Variants in DYRK1A observed in about 807,000 individuals in gnomAD.
The protein encoded by DYRK1A is dual specificity tyrosine phosphorylation regulated kinase 1A.
DYRK1A carries 9 observed loss-of-function variants against 79.7 expected under a neutral mutation model. The observed-to-expected ratio is 0.11, with a 90% CI of 0.07 to 0.20. The LOEUF is 0.20. Among genes scored for constraint, DYRK1A ranks in the 10% least tolerant of loss-of-function variants. The pLI is 1.00. For missense variants in DYRK1A, 622 were observed against 956.0 expected (o/e 0.65, Z 4.61); for synonymous variants, 349 against 329.7 (o/e 1.06, Z -0.63).
intron 1 of DYRK1A, among the ~76,000 whole-genome samples, chr21:37,401,028 C>T (rs1321355057): frequency 2.0e-5 from 3 of 152,004 alleles, no homozygotes; most frequent in African/African-American, 7.3e-5. Flanking sequence ...CTTGTAGTCC[C>T]AGCTACTTGG....
At chr21:37,440,954 T>C (rs11702096) in intron 2 of DYRK1A, among the ~76,000 whole-genome samples, 11,469 of 152,252 alleles carry the variant, frequency 0.075, 646 homozygotes, top group Non-Finnish European at 0.11. Context: ...TATATCTTTA[T>C]TGATTTTCTC....
chr21:37,505,989 A>ATG (rs966630892), intron 10 of DYRK1A, 110 bp from the exon 11 acceptor site: 12 of 1,256,344 alleles, frequency 9.6e-6, no homozygotes, highest in East Asian at 5.1e-5. Context: ...GAGATTTTGT[A>ATG]TGTGTGTGTG....
At chr21:37,392,464 T>C (rs897726982) in intron 1 of DYRK1A, among the ~76,000 whole-genome samples, 1 of 152,258 alleles carries the variant, frequency 6.6e-6, no homozygotes, top group African/African-American at 2.4e-5. Context: ...CTGAATAATT[T>C]ATAAAAAATA....
At chr21:37,478,930 A>G (rs1389291032) in intron 4 of DYRK1A, among the ~76,000 whole-genome samples, 1 of 152,202 alleles carries the variant, frequency 6.6e-6, no homozygotes, top group East Asian at 1.9e-4. Flanking sequence ...TTGCCACCGA[A>G]AATTTTTCTG....
Position 37,513,252 on chromosome 21 carries a change from T to C in DYRK1A, c.*721T>C, listed in dbSNP as rs1036127238. Reference sequence around the variant, plus strand: ...TCCCGTTGCAGAGGCCACAGGAAGATAGGATGGAACGTGACTGGTCTCCTA... The same window carrying C: ...TCCCGTTGCAGAGGCCACAGGAAGACAGGATGGAACGTGACTGGTCTCCTA... On this transcript the variant is annotated 3_prime_UTR_variant, in exon 12 of 12. Coordinates refer to ENST00000647188, the MANE Select transcript of DYRK1A (RefSeq NM_001347721.2). 2 of 152,698 alleles carry C rather than the reference T, an allele frequency of 1.3e-5. No homozygotes were observed. Among genetic ancestry groups the C allele is most frequent in the African/African-American group, 4.8e-5 (2 of 41,402 alleles). The allele number at this position is 152,698 out of a possible 1,614,324, so 9.5% of individuals were successfully genotyped here. A position where few individuals can be genotyped will look rare whatever the true frequency, so the allele number is the denominator to read the frequency against.
chr21:37,380,133 A>C (rs543511258), intron 1 of DYRK1A, among the ~76,000 whole-genome samples: 56 of 152,310 alleles, frequency 3.7e-4, no homozygotes, highest in Non-Finnish European at 3.7e-4. Flanking sequence ...TTAACAGTTA[A>C]TTTTGACTTA....
intron 1 of DYRK1A, among the ~76,000 whole-genome samples, chr21:37,382,357 C>T (rs1210898606): frequency 6.6e-6 from 1 of 152,070 alleles, no homozygotes. Flanking sequence ...CTGTGCCTAG[C>T]AGTTGAAGCT....
intron 1 of DYRK1A, among the ~76,000 whole-genome samples, chr21:37,407,890 T>A (rs1047705522): frequency 5.3e-5 from 8 of 152,156 alleles, no homozygotes; most frequent in African/African-American, 1.9e-4. Context: ...CACTATGAAG[T>A]TTGACCTGTG....
chr21:37,442,305 C>A (rs1455624403), intron 2 of DYRK1A, among the ~76,000 whole-genome samples: 2 of 151,966 alleles, frequency 1.3e-5, no homozygotes, highest in Non-Finnish European at 2.9e-5. Flanking sequence ...TTTTTGGGTT[C>A]TCCTCTCTGT....
intron 2 of DYRK1A, among the ~76,000 whole-genome samples, chr21:37,464,765 T>C (rs1479299299): frequency 6.6e-6 from 1 of 152,198 alleles, no homozygotes; most frequent in Non-Finnish European, 1.5e-5. Flanking sequence ...CAGTTTCATA[T>C]GGTTCCGCAT....
intron 1 of DYRK1A, among the ~76,000 whole-genome samples, chr21:37,400,329 C>T (rs1441221521): frequency 1.3e-5 from 2 of 152,140 alleles, no homozygotes; most frequent in East Asian, 3.8e-4. Context: ...CCTGTTTTTC[C>T]CCCAAATCAT....
rs929086368 is a variant in DYRK1A at position 37,524,606 on chromosome 21, G to T, written c.*12075G>T. 3.9e-5 allele frequency: 6 copies of T among 152,202 alleles called. No homozygotes were observed. Among genetic ancestry groups the T allele is most frequent in the African/African-American group, 1.4e-4 (6 of 41,448 alleles). The allele number at this position is 152,202 out of a possible 1,614,324, so 9.4% of individuals were successfully genotyped here. A position where few individuals can be genotyped will look rare whatever the true frequency, so the allele number is the denominator to read the frequency against. ...TGCTCAAAGAGTTGACATTAGGAAT[G>T]ACATCAGTAGTCGACTAAAAAGGCA... On this transcript the variant is annotated 3_prime_UTR_variant, in exon 12 of 12. Transcript: ENST00000647188.
intron 2 of DYRK1A, among the ~76,000 whole-genome samples, chr21:37,454,110 T>TTTTTTTTTTTTTA (rs869222930): frequency 9.8e-6 from 1 of 101,674 alleles, no homozygotes; most frequent in East Asian, 2.7e-4. Flanking sequence ...TTTTTTTTTT[T>TTTTTTTTTTTTTA]GAGACAAGGT....
intron 1 of DYRK1A, among the ~76,000 whole-genome samples, chr21:37,375,480 T>A (rs1238576643): frequency 6.6e-6 from 1 of 151,410 alleles, no homozygotes; most frequent in African/African-American, 2.4e-5. Context: ...ATTCTCTAGT[T>A]TAAAATTTTA....
chr21:37,451,594 C>T (rs551254290), intron 2 of DYRK1A, among the ~76,000 whole-genome samples: 2 of 151,486 alleles, frequency 1.3e-5, no homozygotes, highest in East Asian at 3.9e-4. Flanking sequence ...GTAGGCTCCA[C>T]CGTCTAGCGT....
chr21:37,382,832 G>C (rs1316400411), intron 1 of DYRK1A, among the ~76,000 whole-genome samples: 1 of 152,142 alleles, frequency 6.6e-6, no homozygotes, highest in African/African-American at 2.4e-5. Flanking sequence ...ACAGTTAAGT[G>C]CCGTAAAGTT....
chr21:37,378,299 G>C (rs1218740883), intron 1 of DYRK1A, among the ~76,000 whole-genome samples: 1 of 152,204 alleles, frequency 6.6e-6, no homozygotes. Context: ...TTGGGAGGCC[G>C]AGGTGGGCTG....
chr21:37,424,786 T>C (rs925512986), intron 2 of DYRK1A, among the ~76,000 whole-genome samples: 3 of 152,202 alleles, frequency 2.0e-5, no homozygotes, highest in Non-Finnish European at 2.9e-5. Flanking sequence ...TATTTTCTTA[T>C]AATTGATTCC....
chr21:37,387,556 G>A (rs2049784489), intron 1 of DYRK1A, among the ~76,000 whole-genome samples: 1 of 152,124 alleles, frequency 6.6e-6, no homozygotes. Flanking sequence ...CCATCTTATA[G>A]AGCCTCAATC....
Sources: allele counts gnomAD v4.1 joint callset (sites outside exome capture counted in the v4.1 genomes callset), GRCh38; gene constraint gnomAD v4.1.1; transcripts MANE v1.5; gene names NCBI Gene and HGNC (gene_info 2026-07-23, HGNC 2026-07-21).